CHD6: variants seen among roughly 807,000 people sequenced by gnomAD.
The protein encoded by CHD6 is chromodomain helicase DNA binding protein 6.
Under a neutral mutation model 276.9 loss-of-function variants are expected in CHD6, and 50 were observed. The ratio of observed to expected loss-of-function variants is 0.18; its 90% CI spans 0.14 to 0.23. The LOEUF is 0.23. CHD6 is among the 10% of genes least tolerant of loss of function. CHD6 has a pLI of 1.00. For synonymous variants in CHD6, 1,173 were observed against 1,229.3 expected (o/e 0.95, Z 0.96); for missense variants, 2,564 against 3,365.8 (o/e 0.76, Z 5.89).
chr20:41,611,309 C>A (rs1302152821), intron 1 of CHD6, among the ~76,000 whole-genome samples: 2 of 152,168 alleles, frequency 1.3e-5, no homozygotes, highest in African/African-American at 4.8e-5. Context: ...TAGAGCTGTG[C>A]TGTCTAATAC....
chr20:41,585,589 C>T (rs375493303), intron 1 of CHD6, among the ~76,000 whole-genome samples: 4 of 150,762 alleles, frequency 2.7e-5, no homozygotes, highest in Admixed American at 6.6e-5. Context: ...TACAGTTAAA[C>T]GCCTTCCAAC....
At chr20:41,555,458 C>T (rs2045217757) in intron 1 of CHD6, among the ~76,000 whole-genome samples, 1 of 151,850 alleles carries the variant, frequency 6.6e-6, no homozygotes, top group South Asian at 2.1e-4. Flanking sequence ...GGCGGAGACG[C>T]TCCTCACTTC....
At chr20:41,503,313 A>G (rs2043883919) in intron 5 of CHD6, among the ~76,000 whole-genome samples, 1 of 152,210 alleles carries the variant, frequency 6.6e-6, no homozygotes, top group Admixed American at 6.5e-5. Flanking sequence ...ATTATTTCTA[A>G]TGATTTGTTA....
Position 41,403,901 on chromosome 20 carries a change from G to C in CHD6, c.*692C>G. 1 of 1,056,224 alleles carries C rather than the reference G, an allele frequency of 9.5e-7. No individual in the cohort carries two copies. The highest frequency in any genetic ancestry group is 5.3e-5 in the East Asian group (1 of 18,944). The allele number at this position is 1,056,224 out of a possible 1,614,324, so 65.4% of individuals were successfully genotyped here. ...TCGCAGCAAGAGGAATCTTTTCACTGGTGAGAGGGATGTATAGAAAATAAT... is the reference window on the plus strand; with the variant it reads ...TCGCAGCAAGAGGAATCTTTTCACTCGTGAGAGGGATGTATAGAAAATAAT... On this transcript the variant is annotated 3_prime_UTR_variant, in exon 37 of 37. Transcript: ENST00000373233.
Position 41,403,242 on chromosome 20 carries a change from A to T in CHD6, c.*1351T>A. 9.4e-7 allele frequency: 1 copy of T among 1,060,312 alleles called. No homozygotes were observed. The highest frequency in any genetic ancestry group is 1.1e-6 in the Non-Finnish European group (1 of 875,402). 65.7% of individuals were successfully genotyped at this position (1,060,312 alleles called of 1,614,324 possible). ...ACTAGTAACACTTGCAACATTTCCA[A>T]GGGTCCTGCGCAGCCCTGCGCCCCC... On this transcript the variant is annotated 3_prime_UTR_variant, in exon 37 of 37. Coordinates refer to ENST00000373233, the MANE Select transcript of CHD6 (RefSeq NM_032221.5).
chr20:41,449,088 A>G (rs969794037), intron 23 of CHD6, among the ~76,000 whole-genome samples: 10 of 152,246 alleles, frequency 6.6e-5, no homozygotes, highest in African/African-American at 1.9e-4. Flanking sequence ...TTTTTAGTAG[A>G]GATGGGGTTT....
chr20:41,483,650 T>C, intron 15 of CHD6, 131 bp from the exon 16 acceptor site: 1 of 661,634 alleles, frequency 1.5e-6, no homozygotes. Context: ...GAGGAGATGC[T>C]GGGTGCACTC....
At chr20:41,468,496 T>C (rs2042980784) in intron 17 of CHD6, among the ~76,000 whole-genome samples, 2 of 152,222 alleles carry the variant, frequency 1.3e-5, no homozygotes, top group African/African-American at 2.4e-5. Context: ...TCCTCATTTA[T>C]TGTCTGCCTA....
At chr20:41,515,771 T>C (rs769748907) in intron 3 of CHD6, among the ~76,000 whole-genome samples, 61 of 152,248 alleles carry the variant, frequency 4.0e-4, no homozygotes, top group Non-Finnish European at 6.8e-4. Flanking sequence ...ATTTTATGCT[T>C]CTCTGATCTC....
chr20:41,451,707 T>G, intron 22 of CHD6, 119 bp downstream of exon 22: 3 of 861,626 alleles, frequency 3.5e-6, no homozygotes, highest in Non-Finnish European at 5.7e-6. Flanking sequence ...CTGGTAACAT[T>G]CTGAAAAACA....
chr20:41,512,410 A>C lies in CHD6; in HGVS notation c.852+436T>G, dbSNP rs112138602. Among the ~76,000 whole-genome samples, 1,157 of 152,082 alleles carry C rather than the reference A, an allele frequency of 7.6e-3. 18 individuals are homozygous for C. Among genetic ancestry groups the C allele is most frequent in the African/African-American group, 0.026 (1,094 of 41,494 alleles). ...TCATTGGGATGAGGGGCAGGAATCT[A>C]CTTTAGATAAAAGATCAGGAAGAAC... On this transcript the variant is annotated intron_variant, in intron 5 of 36. Coordinates refer to ENST00000373233, the MANE Select transcript of CHD6 (RefSeq NM_032221.5).
Position 41,543,425 on chromosome 20 carries a change from T to C in CHD6, c.33+7880A>G, listed in dbSNP as rs113434511. Among the ~76,000 whole-genome samples, 687 of 152,260 alleles carry C rather than the reference T, an allele frequency of 4.5e-3. 9 individuals are homozygous for C. The highest frequency in any genetic ancestry group is 0.016 in the African/African-American group (650 of 41,564). ...AGCAAGAACCTCTAACCAACCTCTA[T>C]TTTGTTTCCATCACCCATTCCCCAA... On this transcript the variant is annotated intron_variant, in intron 2 of 36. Transcript: ENST00000373233.
In CHD6 at chr20:41,482,519, G is replaced by A. The variant is rs372758621; in HGVS notation, c.2468+790C>T. On this transcript the variant is annotated intron_variant, in intron 16 of 36. Coordinates refer to ENST00000373233, the MANE Select transcript of CHD6 (RefSeq NM_032221.5). ...AATAAGAACATCTGTTAAGACACCC[G>A]AGATTTGCTATGAAAACAAGATTTT... 4.0e-4 allele frequency: 204 copies of A among 511,598 alleles called. 1 individual carries two copies. Among genetic ancestry groups the A allele is most frequent in the African/African-American group, 2.5e-3 (129 of 51,896 alleles). 31.7% of individuals were successfully genotyped at this position (511,598 alleles called of 1,614,324 possible).
In CHD6 at chr20:41,420,623, T is replaced by C; in HGVS notation, c.6012A>G (p.Ala2004=). 6.2e-7 allele frequency: 1 copy of C among 1,614,252 alleles called. No homozygotes were observed. ...ATGTGGGGAAAACGTTTTGCCCCTCTGCACTTTCTTTCCAAGGTTCTTTTA... is the reference window on the plus strand; with the variant it reads ...ATGTGGGGAAAACGTTTTGCCCCTCCGCACTTTCTTTCCAAGGTTCTTTTA... ...ELLKEPWKES[A]EGQNVFPTYP... Residue 2004 remains alanine, a synonymous_variant, in exon 31 of 37, where the codon GCA becomes GCG. Coordinates refer to ENST00000373233, the MANE Select transcript of CHD6 (RefSeq NM_032221.5).
chr20:41,580,645 C>CAAAAAAAAAAA (rs373733112), intron 1 of CHD6, among the ~76,000 whole-genome samples: 1 of 69,300 alleles, frequency 1.4e-5, no homozygotes. Flanking sequence ...AACCCAGTCT[C>CAAAAAAAAAAA]AAAAAAAAAA....
Position 41,533,311 on chromosome 20 carries a change from T to G in CHD6, c.293A>C (p.Lys98Thr), listed in dbSNP as rs746827134. Residue 98 changes from lysine (K) to threonine (T), a missense_variant, in exon 3 of 37, where the codon AAA becomes ACA. Around this residue, in one of 7 missense-constraint regions of CHD6, gnomAD observed 286 missense variants for 297.8 expected, o/e 0.96. Transcript: ENST00000373233. ...ACCCTCTTGGTCTCCTGGCTCCTTT[T>G]TCTTCCGTTTCTTCTTCACTCCAGT... ...GGTGVKKKRK[K>T]KEPGDQEGAA... is the part of the protein sequence containing the mutation. 6.8e-6 allele frequency: 11 copies of G among 1,614,138 alleles called. No homozygotes were observed. Among genetic ancestry groups the G allele is most frequent in the Non-Finnish European group, 9.3e-6 (11 of 1,180,022 alleles).
chr20:41,465,204 C>G (rs6072381), intron 17 of CHD6, among the ~76,000 whole-genome samples: 5 of 151,998 alleles, frequency 3.3e-5, no homozygotes, highest in Non-Finnish European at 7.4e-5. Context: ...AATATTCACT[C>G]AGAAGATACT....
rs2046615669 is a variant in CHD6 at position 41,404,610 on chromosome 20, T to TG, written c.8130dup (p.Asn2711GlnfsTer16). The TG allele has an allele frequency of 1.3e-6, 2 of 1,491,634 alleles. No homozygotes were observed. The highest frequency in any genetic ancestry group is 1.5e-5 in the South Asian group (1 of 67,314). The allele number at this position is 1,491,634 out of a possible 1,614,324, so 92.4% of individuals were successfully genotyped here. On this transcript the variant is annotated frameshift_variant, in exon 37 of 37. Coordinates refer to ENST00000373233, the MANE Select transcript of CHD6 (RefSeq NM_032221.5). LOFTEE classifies it high-confidence loss of function. ...AAAAAGTTCTAATTGGTGTCGTTGT[T>TG]GGAGTCTTTGAGTGCCCCCTCCCCA...
At chr20:41,491,900 A>G in intron 10 of CHD6, 81 bp from the exon 11 acceptor site, 2 of 1,490,646 alleles carry the variant, frequency 1.3e-6, no homozygotes, top group Non-Finnish European at 1.9e-6. Context: ...GGACAGTGGT[A>G]AATCTCACTG....
Sources: gnomAD v4.1 joint callset for allele counts (sites outside exome capture counted in the v4.1 genomes callset) on GRCh38, gnomAD v4.1.1 for gene constraint, gnomAD v4.1.1 regional missense constraint, MANE v1.5 for transcripts, NCBI Gene and HGNC (gene_info 2026-07-23, HGNC 2026-07-21) for gene names.